TNNI2: variants seen among roughly 807,000 people sequenced by gnomAD.
TNNI2 encodes the protein troponin I, fast skeletal muscle.
Under a neutral mutation model 26.5 loss-of-function variants are expected in TNNI2, and 14 were observed. The ratio of observed to expected loss-of-function variants is 0.53; its 90% CI spans 0.35 to 0.83. TNNI2 has a LOEUF of 0.83. Ranked by LOEUF, TNNI2 falls within the 40% of genes least tolerant of loss-of-function variation. The pLI is 0.01. For missense variants in TNNI2, 205 were observed against 248.5 expected (o/e 0.82, Z 1.18); for synonymous variants, 126 against 97.6 (o/e 1.29, Z -1.71).
chr11:1,840,201 A>C, intron 3 of TNNI2: 1 of 1,551,122 alleles, frequency 6.4e-7, no homozygotes, highest in Non-Finnish European at 8.7e-7. Flanking sequence ...CACCTGGCAA[A>C]GTGTCACACA....
Position 1,839,850 on chromosome 11 carries a change from G to A in TNNI2, c.10G>A (p.Glu4Lys), listed in dbSNP as rs771828811. 2.5e-6 allele frequency: 4 copies of A among 1,613,894 alleles called. No homozygotes were observed. The highest frequency in any genetic ancestry group is 3.4e-6 in the Non-Finnish European group (4 of 1,179,878). Residue 4 changes from glutamate to lysine, a missense_variant and splice_region_variant, in exon 3 of 8, where the codon GAG (glutamate) becomes AAG (lysine). Glu to Lys is a moderately conservative substitution (Grantham distance 56). Transcript: ENST00000381911. ...CCTGCGTCCTCCCTCCCTGGACAGTGAGGAGGTAAGTAGTTGCTGGGGGCT... is the reference window on the plus strand; with the variant it reads ...CCTGCGTCCTCCCTCCCTGGACAGTAAGGAGGTAAGTAGTTGCTGGGGGCT... MGD[E>K]EKRNRAITAR...
At position 1,841,096 on chromosome 11, in the gene TNNI2, G is replaced by A. The variant is rs1465328864; in HGVS notation, c.342G>A (p.Arg114=). The change falls in exon 7 of 8, where the codon AGG becomes AGA. Residue 114 remains arginine (R), a synonymous_variant. Coordinates refer to ENST00000381911, the MANE Select transcript of TNNI2 (RefSeq NM_003282.4). ...AGTTCAAGCGGCCCCCACTGCGGAG[G>A]GTGCGCATGTCGGCCGATGCCATGC... The part of the protein sequence containing the change: ...RGKFKRPPLR[R]VRMSADAMLK... 1 of 1,613,196 alleles carries A rather than the reference G, an allele frequency of 6.2e-7. No homozygotes were observed. Among genetic ancestry groups the A allele is most frequent in the Non-Finnish European group, 8.5e-7 (1 of 1,179,954 alleles).
intron 3 of TNNI2, chr11:1,840,132 C>G (rs368860075): frequency 2.8e-6 from 4 of 1,426,252 alleles, no homozygotes; most frequent in Non-Finnish European, 3.8e-6. Flanking sequence ...CCTCACCGGC[C>G]GACCTGCCCC....
At position 1,839,938 on chromosome 11, in the gene TNNI2, C is replaced by G. The variant is rs954791103; in HGVS notation, c.15+83C>G. On this transcript the variant is annotated intron_variant, in intron 3 of 7. Transcript: ENST00000381911. Reference sequence around the variant, plus strand: ...TAGGTCATAGGTCACAGCCTCAAGGCCCTAAGGCCCAGAGAAGATGGCCTG... The same window carrying G: ...TAGGTCATAGGTCACAGCCTCAAGGGCCTAAGGCCCAGAGAAGATGGCCTG... 1.9e-6 allele frequency: 3 copies of G among 1,585,626 alleles called. No homozygotes were observed. In the South Asian group the frequency reaches 3.4e-5, roughly 18 times the overall value.
chr11:1,839,963 G>T, intron 3 of TNNI2, 108 bp downstream of exon 3: 1 of 1,519,972 alleles, frequency 6.6e-7, no homozygotes, highest in African/African-American at 1.4e-5. Flanking sequence ...AAGATGGCCT[G>T]GCCCTCCCCG....
chr11:1,839,164 G>A (rs997809246), intron 1 of TNNI2, 131 bp downstream of exon 1: 11 of 156,480 alleles, frequency 7.0e-5, no homozygotes, highest in Non-Finnish European at 1.4e-4. Flanking sequence ...GGGCCTGCAC[G>A]GGTCCGGGAG....
At position 1,841,149 on chromosome 11, in the gene TNNI2, AG is replaced by A; in HGVS notation, c.397del (p.Val133CysfsTer5). On this transcript the variant is annotated frameshift_variant, in exon 7 of 8. Coordinates refer to ENST00000381911, the MANE Select transcript of TNNI2 (RefSeq NM_003282.4). LOFTEE classifies it high-confidence loss of function. The part of the protein sequence containing the change: ...MLKALLGSKH[K>X]VCMDLRANLK... The stretch of plus-strand genomic sequence containing the variant: ...AAGGCCCTGCTGGGCTCGAAGCACA[AG>A]GTGTGCATGGACCTGAGGGCCAACC... 1.2e-6 allele frequency: 2 copies of A among 1,613,230 alleles called. No homozygotes were observed. Among genetic ancestry groups the A allele is most frequent in the Non-Finnish European group, 1.7e-6 (2 of 1,179,972 alleles).
chr11:1,841,247 CG>C, intron 7 of TNNI2, 40 bp downstream of exon 7: 1 of 1,601,754 alleles, frequency 6.2e-7, no homozygotes. Context: ...CCTACCCTGC[CG>C]GGGAAGCACC....
chr11:1,840,232 G>T (rs916394236), intron 3 of TNNI2, 171 bp from the exon 4 acceptor site: 2 of 1,550,982 alleles, frequency 1.3e-6, no homozygotes, highest in Admixed American at 3.9e-5. Context: ...CCATGTCCCA[G>T]TGCAAGGTCT....
chr11:1,839,679 C>G lies in TNNI2; in HGVS notation c.-18C>G. On this transcript the variant is annotated 5_prime_UTR_variant, in exon 2 of 8. Transcript: ENST00000381911. Reference sequence around the variant, plus strand: ...TCTGTCTTCCTCTCCCCACAGGCTCCAAGCTCAGGACCTCAGGATGGGAGA... The same window carrying G: ...TCTGTCTTCCTCTCCCCACAGGCTCGAAGCTCAGGACCTCAGGATGGGAGA... The G allele has an allele frequency of 1.9e-6, 3 of 1,613,740 alleles. No individual in the cohort carries two copies. Among genetic ancestry groups the G allele is most frequent in the Non-Finnish European group, 2.5e-6 (3 of 1,179,898 alleles).
At chr11:1,841,000 T>G (rs747808987) in intron 6 of TNNI2, 31 bp from the exon 7 acceptor site, 4 of 1,605,588 alleles carry the variant, frequency 2.5e-6, no homozygotes, top group African/African-American at 2.7e-5. Flanking sequence ...CACCGGGACC[T>G]CGGGCTCCCA....
Position 1,840,866 on chromosome 11 carries a change from G to T in TNNI2, c.234G>T (p.Glu78Asp). 1 of 1,613,478 alleles carries T rather than the reference G, an allele frequency of 6.2e-7. No individual in the cohort carries two copies. Among genetic ancestry groups the T allele is most frequent in the East Asian group, 2.2e-5 (1 of 44,868 alleles). The change falls in exon 6 of 8, where the codon GAG (glutamate) becomes GAT (aspartate). Residue 78 changes from glutamate (E) to aspartate (D), a missense_variant. Glu to Asp is a conservative substitution (Grantham distance 45). Coordinates refer to ENST00000381911, the MANE Select transcript of TNNI2 (RefSeq NM_003282.4). ...CCAAGATCGATGCGGCTGAAGAGGA[G>T]AAGTACGACATGGAGGTGAGGGTGC... The part of the protein sequence containing the change: ...LHAKIDAAEE[E>D]KYDMEVRVQK...
rs764564038 is a variant in TNNI2, at chr11:1,839,873, G to T, written c.15+18G>T. The T allele has an allele frequency of 1.9e-6, 3 of 1,613,674 alleles. No individual in the cohort carries two copies. ...GTGAGGAGGTAAGTAGTTGCTGGGG[G>T]CTCAAAACATGACGAGGAGGGGGCT... is the stretch of plus-strand genomic sequence containing the variant. On this transcript the variant is annotated intron_variant, in intron 3 of 7. Coordinates refer to ENST00000381911, the MANE Select transcript of TNNI2 (RefSeq NM_003282.4).
In TNNI2 at chr11:1,840,845, G is replaced by T. The variant is rs1464725460; in HGVS notation, c.213G>T (p.Lys71Asn). 1.9e-6 allele frequency: 3 copies of T among 1,613,276 alleles called. No homozygotes were observed. The highest frequency in any genetic ancestry group is 2.5e-6 in the Non-Finnish European group (3 of 1,179,810). The change falls in exon 6 of 8, where the codon AAG becomes AAT. Residue 71 changes from lysine to asparagine, a missense_variant. Transcript: ENST00000381911. ...VQELCKQLHAKIDAAEEEKYD... is the reference protein window; with the variant it reads ...VQELCKQLHANIDAAEEEKYD... ...AGCTCTGCAAACAGCTGCACGCCAA[G>T]ATCGATGCGGCTGAAGAGGAGAAGT...
chr11:1,840,928 C>T lies in TNNI2; in HGVS notation c.276+20C>T, dbSNP rs373526677. On this transcript the variant is annotated intron_variant, in intron 6 of 7. Transcript: ENST00000381911. ...AAGGAGGTGAGTGGTGGCGGCGGGCCGGCGGCAGGCGGGTAGGCGGTGGCC... is the reference window on the plus strand; with the variant it reads ...AAGGAGGTGAGTGGTGGCGGCGGGCTGGCGGCAGGCGGGTAGGCGGTGGCC... 7.9e-5 allele frequency: 127 copies of T among 1,607,310 alleles called. 1 individual carries two copies. In the South Asian group the frequency reaches 1.1e-3, roughly 14 times the overall value.
chr11:1,839,778 G>A (rs941917488), intron 2 of TNNI2, 71 bp from the exon 3 acceptor site: 7 of 1,612,012 alleles, frequency 4.3e-6, no homozygotes, highest in Non-Finnish European at 4.2e-6. Flanking sequence ...CACACACTCC[G>A]ACCCCGCCAG....
intron 1 of TNNI2, 105 bp downstream of exon 1, chr11:1,839,138 C>T (rs1847107568): frequency 6.5e-6 from 1 of 153,746 alleles, no homozygotes; most frequent in African/African-American, 2.4e-5. Context: ...GGGGATGCCA[C>T]CAGCAGCCCC....
chr11:1,840,572 G>A lies in TNNI2; in HGVS notation c.102G>A (p.Glu34=), dbSNP rs143863270. 4.9e-4 allele frequency: 797 copies of A among 1,612,654 alleles called. No individual in the cohort carries two copies. The highest frequency in any genetic ancestry group is 6.5e-4 in the Non-Finnish European group (772 of 1,179,814). The change falls in exon 5 of 8, where the codon GAG becomes GAA. Residue 34 remains glutamate (E), a synonymous_variant. Transcript: ENST00000381911. ...QIAATELEKE[E]SRREAEKQNY... ...CGGCCACGGAGCTGGAGAAGGAGGAGAGCCGCCGTGAGGCAGAGAAGCAGA... is the reference window on the plus strand; with the variant it reads ...CGGCCACGGAGCTGGAGAAGGAGGAAAGCCGCCGTGAGGCAGAGAAGCAGA...
In TNNI2 at chr11:1,840,561, G is replaced by A; in HGVS notation, c.91G>A (p.Glu31Lys). The A allele has an allele frequency of 6.2e-7, 1 of 1,612,578 alleles. No homozygotes were observed. Among genetic ancestry groups the A allele is most frequent in the South Asian group, 1.1e-5 (1 of 91,086 alleles). The change falls in exon 5 of 8, where the codon GAG becomes AAG. Residue 31 changes from glutamate (E) to lysine (K), a missense_variant. Glu to Lys is a moderately conservative substitution (Grantham distance 56). Transcript: ENST00000381911. ...VMLQIAATEL[E>K]KEESRREAEK... ...GCTGCAGATAGCGGCCACGGAGCTG[G>A]AGAAGGAGGAGAGCCGCCGTGAGGC...
Sources: gnomAD v4.1 joint callset for allele counts on GRCh38, gnomAD v4.1.1 for gene constraint, MANE v1.5 for transcripts, NCBI Gene and HGNC (gene_info 2026-07-23, HGNC 2026-07-21) for gene names.